The following THSD4 variants were observed in gnomAD, a reference collection of about 807,000 sequenced individuals.
The protein encoded by THSD4 is thrombospondin type-1 domain-containing protein 4.
A neutral mutation model predicts 119.0 loss-of-function variants in THSD4; 69 were observed. The ratio of observed to expected loss-of-function variants is 0.58; its 90% CI spans 0.48 to 0.71. The LOEUF (loss-of-function observed/expected upper bound fraction) is 0.71. Among genes scored for constraint, THSD4 ranks in the 30% least tolerant of loss-of-function variants. The pLI is 0.00. For missense variants in THSD4, 1,393 were observed against 1,391.1 expected, an observed-to-expected ratio of 1.00 and a Z score of -0.02; for synonymous variants, 524 against 540.4, an observed-to-expected ratio of 0.97 and a Z score of 0.42.
intron 7 of THSD4, among the ~76,000 whole-genome samples, chr15:71,551,720 G>A (rs2048932143): frequency 6.6e-6 from 1 of 152,152 alleles, no homozygotes; most frequent in African/African-American, 2.4e-5. Context: ...CAACACATGG[G>A]AAATGTTGCC....
intron 7 of THSD4, among the ~76,000 whole-genome samples, chr15:71,570,373 C>T (rs534557040): frequency 2.0e-4 from 30 of 151,800 alleles, no homozygotes; most frequent in Admixed American, 1.6e-3. Flanking sequence ...TTGTTGCACC[C>T]GGAATATAAA....
intron 14 of THSD4, among the ~76,000 whole-genome samples, chr15:71,755,797 C>G (rs1428874357): frequency 1.3e-5 from 2 of 149,084 alleles, no homozygotes; most frequent in African/African-American, 4.9e-5. Flanking sequence ...ATGAGAATTC[C>G]AAGGCTTGAA....
intron 7 of THSD4, among the ~76,000 whole-genome samples, chr15:71,616,674 A>G (rs895225653): frequency 6.6e-6 from 1 of 152,234 alleles, no homozygotes; most frequent in African/African-American, 2.4e-5. Flanking sequence ...CATTTCCTAG[A>G]AAATAGAATT....
chr15:71,775,692 T>C (rs1356106023), intron 17 of THSD4, among the ~76,000 whole-genome samples: 1 of 151,994 alleles, frequency 6.6e-6, no homozygotes, highest in Non-Finnish European at 1.5e-5. Context: ...GCCTGGGTGA[T>C]ACAGCGAGAC....
intron 13 of THSD4, 95 bp from the exon 14 acceptor site, chr15:71,748,326 T>C: frequency 6.8e-7 from 1 of 1,477,042 alleles, no homozygotes; most frequent in Non-Finnish European, 9.3e-7. Flanking sequence ...CTCAGTCTCA[T>C]GGGGCTGATC....
At chr15:71,268,216 C>T (rs889638024) in intron 6 of THSD4, among the ~76,000 whole-genome samples, 3 of 152,156 alleles carry the variant, frequency 2.0e-5, no homozygotes, top group African/African-American at 7.2e-5. Context: ...GGAAGTAAGG[C>T]ACTCCTCAGC....
chr15:71,296,518 C>T (rs1054958041), intron 6 of THSD4, among the ~76,000 whole-genome samples: 1 of 152,182 alleles, frequency 6.6e-6, no homozygotes, highest in Admixed American at 6.5e-5. Flanking sequence ...CCTGCCAAGT[C>T]TCTCTGGGTG....
rs772908277 is a variant in THSD4 at position 71,745,138 on chromosome 15, A to G, written c.1939A>G (p.Arg647Gly). Reference sequence around the variant, plus strand: ...GTACCCTATTTTCCGCTGTGTGCACAGAAGCACTCATGAAGAGGCTCCTGA... The same window carrying G: ...GTACCCTATTTTCCGCTGTGTGCACGGAAGCACTCATGAAGAGGCTCCTGA... ...SQYPIFRCVH[R>G]STHEEAPESY... Residue 647 changes from arginine to glycine, a missense_variant, in exon 12 of 18, where the codon AGA becomes GGA. Coordinates refer to ENST00000261862, the MANE Select transcript of THSD4 (RefSeq NM_024817.3). The G allele has an allele frequency of 1.2e-6, 2 of 1,612,458 alleles. No individual in the cohort carries two copies. Among genetic ancestry groups the G allele is most frequent in the Admixed American group, 1.7e-5 (1 of 60,014 alleles).
chr15:71,531,841 G>A (rs1595862765), intron 7 of THSD4, among the ~76,000 whole-genome samples: 1 of 152,214 alleles, frequency 6.6e-6, no homozygotes, highest in East Asian at 1.9e-4. Flanking sequence ...GCAGAAACTG[G>A]GCAGAAGACG....
At chr15:71,666,396 TG>T (rs776413266) in intron 8 of THSD4, among the ~76,000 whole-genome samples, 6 of 152,190 alleles carry the variant, frequency 3.9e-5, no homozygotes, top group Non-Finnish European at 7.3e-5. Flanking sequence ...GGGGGTTTGT[TG>T]TACAGATTAT....
intron 2 of THSD4, among the ~76,000 whole-genome samples, chr15:71,149,769 G>A (rs74021942): frequency 0.018 from 2,737 of 152,128 alleles, 83 homozygotes; most frequent in African/African-American, 0.063. Flanking sequence ...AGTTCATTGA[G>A]GTAATTTGAG....
At chr15:71,384,412 T>C (rs1437620719) in intron 6 of THSD4, among the ~76,000 whole-genome samples, 1 of 152,060 alleles carries the variant, frequency 6.6e-6, no homozygotes, top group East Asian at 1.9e-4. Context: ...GAAACTATTT[T>C]GTGTGCCTGG....
chr15:71,728,108 A>AT (rs920716596), intron 8 of THSD4, among the ~76,000 whole-genome samples: 8 of 151,964 alleles, frequency 5.3e-5, no homozygotes, highest in East Asian at 1.9e-4. Context: ...GGGCTCAGTT[A>AT]TTTTTTTTAA....
At chr15:71,311,996 A>G (rs2140350703) in intron 6 of THSD4, among the ~76,000 whole-genome samples, 1 of 152,220 alleles carries the variant, frequency 6.6e-6, no homozygotes, top group Non-Finnish European at 1.5e-5. Flanking sequence ...CACTGAAGGC[A>G]GTTATCTTTT....
chr15:71,374,255 T>G (rs1231400115), intron 6 of THSD4, among the ~76,000 whole-genome samples: 1 of 152,214 alleles, frequency 6.6e-6, no homozygotes, highest in African/African-American at 2.4e-5. Flanking sequence ...ACTCAGTTCA[T>G]TTTCTTCATT....
chr15:71,579,722 A>T (rs866746518), intron 7 of THSD4, among the ~76,000 whole-genome samples: 1 of 152,126 alleles, frequency 6.6e-6, no homozygotes, highest in Non-Finnish European at 1.5e-5. Context: ...ATAGCTTTCA[A>T]AATATTGGAG....
intron 11 of THSD4, among the ~76,000 whole-genome samples, chr15:71,741,302 C>A (rs141171865): frequency 3.2e-4 from 48 of 152,056 alleles, no homozygotes; most frequent in African/African-American, 1.1e-3. Flanking sequence ...AGCAGCCTGG[C>A]CAACGTGGCA....
intron 7 of THSD4, among the ~76,000 whole-genome samples, chr15:71,484,831 TTTA>T (rs1462916030): frequency 1.3e-5 from 2 of 152,124 alleles, no homozygotes; most frequent in Admixed American, 1.3e-4. Context: ...CTCCAAATCA[TTTA>T]GAGGCATTGG....
At chr15:71,492,244 T>G (rs1194266547) in intron 7 of THSD4, among the ~76,000 whole-genome samples, 1 of 152,076 alleles carries the variant, frequency 6.6e-6, no homozygotes, top group African/African-American at 2.4e-5. Context: ...TTCCTCGTCT[T>G]AGGTTTTGTT....
Sources: allele counts gnomAD v4.1 joint callset (sites outside exome capture counted in the v4.1 genomes callset), GRCh38; gene constraint gnomAD v4.1.1; transcripts MANE v1.5; gene names NCBI Gene and HGNC (gene_info 2026-07-23, HGNC 2026-07-21).